Variants in RAB3GAP2 observed in about 807,000 individuals in gnomAD.
RAB3GAP2 encodes rab3 GTPase-activating protein non-catalytic subunit.
A neutral mutation model predicts 185.3 loss-of-function variants in RAB3GAP2; 87 were observed. That is an observed-to-expected ratio of 0.47 (90% CI 0.39 to 0.56). The LOEUF is 0.56. Among genes scored for constraint, RAB3GAP2 ranks in the 20% least tolerant of loss-of-function variants. The pLI is 0.00. For missense variants in RAB3GAP2, 1,492 were observed against 1,638.2 expected (o/e 0.91, Z 1.54); for synonymous variants, 554 against 576.1 (o/e 0.96, Z 0.55).
At chr1:220,239,969 C>A in intron 1 of RAB3GAP2, among the ~76,000 whole-genome samples, 1 of 143,976 alleles carries the variant, frequency 6.9e-6, no homozygotes. Flanking sequence ...CCCAAATAAA[C>A]ACCATGCCAT....
chr1:220,153,350 G>A lies in RAB3GAP2; in HGVS notation c.3702C>T (p.Val1234=), dbSNP rs137897304. The A allele has an allele frequency of 6.6e-5, 106 of 1,614,164 alleles. No individual in the cohort carries two copies. The African/African-American group carries it at 1.3e-3, about 19-fold the overall frequency. Residue 1234 remains valine, a synonymous_variant, in exon 33 of 35, where the codon GTC becomes GTT. Transcript: ENST00000358951. Reference sequence around the variant, plus strand: ...GTGTGGCCTCTTCTGTGGGATCTTTGACCTTTGTGGCTGAATGTTGGGCCT... The same window carrying A: ...GTGTGGCCTCTTCTGTGGGATCTTTAACCTTTGTGGCTGAATGTTGGGCCT... ...AVQAQHSATK[V]KDPTEEATPT...
chr1:220,159,967 A>G (rs958835227), intron 28 of RAB3GAP2, among the ~76,000 whole-genome samples: 6 of 152,060 alleles, frequency 3.9e-5, no homozygotes, highest in African/African-American at 1.4e-4. Flanking sequence ...CGGTGAGCCA[A>G]GATTGTGCCA....
At position 220,212,904 on chromosome 1, in the gene RAB3GAP2, G is replaced by T. The variant is rs1558157671; in HGVS notation, c.369C>A (p.Ser123=). ...GCACCTACCCTTCTTCGACATTTAA[G>T]GAACCACTCCAGCCAACAGCAAATT... ...EMQFAVGWSG[S]LNVEEGECVT... is the part of the protein sequence containing the mutation. The change falls in exon 4 of 35, where the codon TCC becomes TCA. Residue 123 remains serine, a synonymous_variant. Coordinates refer to ENST00000358951, the MANE Select transcript of RAB3GAP2 (RefSeq NM_012414.4). 6.2e-7 allele frequency: 1 copy of T among 1,613,286 alleles called. No homozygotes were observed.
At chr1:220,177,828 A>C (rs1393379261) in intron 21 of RAB3GAP2, among the ~76,000 whole-genome samples, 1 of 152,192 alleles carries the variant, frequency 6.6e-6, no homozygotes, top group African/African-American at 2.4e-5. Context: ...CAACATCAAA[A>C]GAGCAAATAT....
intron 1 of RAB3GAP2, among the ~76,000 whole-genome samples, chr1:220,271,706 G>A (rs970646091): frequency 6.6e-6 from 1 of 152,012 alleles, no homozygotes; most frequent in Non-Finnish European, 1.5e-5. Flanking sequence ...GGGAGAGTGT[G>A]GGGGGATGAT....
At chr1:220,260,598 T>TG (rs1018271502) in intron 1 of RAB3GAP2, among the ~76,000 whole-genome samples, 1 of 145,072 alleles carries the variant, frequency 6.9e-6, no homozygotes, top group Non-Finnish European at 1.5e-5. Flanking sequence ...CCTGTTGGGG[T>TG]GGTGGGGGGA....
intron 1 of RAB3GAP2, among the ~76,000 whole-genome samples, chr1:220,271,909 A>C: frequency 9.9e-6 from 1 of 100,526 alleles, no homozygotes; most frequent in African/African-American, 3.9e-5. Context: ...CTCAGAGAGA[A>C]AGCTAGGAAT....
chr1:220,170,273 G>A (rs987639774), intron 24 of RAB3GAP2, among the ~76,000 whole-genome samples: 2 of 152,168 alleles, frequency 1.3e-5, no homozygotes, highest in Non-Finnish European at 2.9e-5. Flanking sequence ...GTGGGGGATT[G>A]CGGGGCTAGG....
In RAB3GAP2 at chr1:220,151,264, A is replaced by G; in HGVS notation, c.4169T>C (p.Leu1390Pro). The G allele has an allele frequency of 6.2e-7, 1 of 1,613,922 alleles. No homozygotes were observed. ...AGTAGGTAAGTGTCATAAAGAAGGA[A>G]GAGATATGGCTTCCACAGCTTCAAT... ...HLIEAVEAIS[L>P]PSL The change falls in exon 35 of 35, where the codon CTT becomes CCT. Residue 1390 changes from leucine to proline, a missense_variant. Transcript: ENST00000358951.
In RAB3GAP2 at chr1:220,172,761, C is replaced by A. The variant is rs775150600; in HGVS notation, c.2311-19G>T. On this transcript the variant is annotated intron_variant, in intron 21 of 34. Transcript: ENST00000358951. ...GCAGAGACTGAAATCAAATTTAAAT[C>A]TTTTTCAGTCTAAAAAAAAATTTAG... The A allele has an allele frequency of 1.9e-6, 3 of 1,548,338 alleles. No homozygotes were observed. Among genetic ancestry groups the A allele is most frequent in the Non-Finnish European group, 2.7e-6 (3 of 1,120,466 alleles).
chr1:220,257,179 C>A (rs551754476), intron 1 of RAB3GAP2, among the ~76,000 whole-genome samples: 119 of 152,148 alleles, frequency 7.8e-4, no homozygotes, highest in Non-Finnish European at 1.1e-3. Flanking sequence ...GAGATCAAGA[C>A]CATCCTGGCT....
In RAB3GAP2 at chr1:220,154,118, A is replaced by C. The variant is rs1657814205; in HGVS notation, c.3556-61T>G. Reference sequence around the variant, plus strand: ...GGATTATTAAGGGGGGAGAGGGAGAAAGATTTGTTTAAAACTTAATAATAA... The same window carrying C: ...GGATTATTAAGGGGGGAGAGGGAGACAGATTTGTTTAAAACTTAATAATAA... On this transcript the variant is annotated intron_variant, in intron 31 of 34. Coordinates refer to ENST00000358951, the MANE Select transcript of RAB3GAP2 (RefSeq NM_012414.4). 5.0e-6 allele frequency: 8 copies of C among 1,598,160 alleles called. No homozygotes were observed. The South Asian group carries it at 9.0e-5, about 18-fold the overall frequency.
At chr1:220,197,226 G>A (rs1277111222) in intron 9 of RAB3GAP2, among the ~76,000 whole-genome samples, 2 of 152,154 alleles carry the variant, frequency 1.3e-5, no homozygotes, top group African/African-American at 4.8e-5. Context: ...GACCTCAGGT[G>A]ATCCTCCAGC....
chr1:220,155,409 A>G (rs949234718), intron 31 of RAB3GAP2, among the ~76,000 whole-genome samples: 1 of 152,222 alleles, frequency 6.6e-6, no homozygotes. Context: ...CCGGACTTAC[A>G]GGGCAACCCA....
At chr1:220,261,186 T>C (rs1007660650) in intron 1 of RAB3GAP2, among the ~76,000 whole-genome samples, 2 of 152,150 alleles carry the variant, frequency 1.3e-5, no homozygotes, top group African/African-American at 4.8e-5. Context: ...AGAAAAGTAA[T>C]CTATGTTCAA....
intron 21 of RAB3GAP2, among the ~76,000 whole-genome samples, chr1:220,175,074 G>T (rs1658261572): frequency 6.6e-6 from 1 of 151,950 alleles, no homozygotes; most frequent in Non-Finnish European, 1.5e-5. Context: ...ATGTATACTG[G>T]GAAGCAAATC....
In RAB3GAP2 at chr1:220,148,615, G is replaced by GT. The variant is rs1553272526; in HGVS notation, c.*2635dup. On this transcript the variant is annotated 3_prime_UTR_variant, in exon 35 of 35. Coordinates refer to ENST00000358951, the MANE Select transcript of RAB3GAP2 (RefSeq NM_012414.4). ...CTTCTAAATGAACATTATATTCAGT[G>GT]TAAGTCTCATATTATTAAATTTCAG... The GT allele has an allele frequency of 6.6e-6, 1 of 152,122 alleles. No homozygotes were observed. The highest frequency in any genetic ancestry group is 1.5e-5 in the Non-Finnish European group (1 of 68,014). The allele number at this position is 152,122 out of a possible 1,614,324, so 9.4% of individuals were successfully genotyped here.
At chr1:220,162,356 CTA>C (rs1209840358) in intron 27 of RAB3GAP2, 88 bp from the exon 28 acceptor site, 2 of 840,792 alleles carry the variant, frequency 2.4e-6, no homozygotes, top group Non-Finnish European at 3.9e-6. Flanking sequence ...GCTTATTAAA[CTA>C]TATAGACTAT....
Position 220,172,624 on chromosome 1 carries a change from A to G in RAB3GAP2, c.2416+13T>C, listed in dbSNP as rs771319271. The stretch of plus-strand genomic sequence containing the variant: ...ACGAAACTTTGTTGACGAGAGCAAC[A>G]AACTTTGTTTACCTTTCATCTTGCT... On this transcript the variant is annotated intron_variant, in intron 22 of 34. Coordinates refer to ENST00000358951, the MANE Select transcript of RAB3GAP2 (RefSeq NM_012414.4). 3 of 1,573,742 alleles carry G rather than the reference A, an allele frequency of 1.9e-6. No homozygotes were observed. The East Asian group carries it at 6.7e-5, about 35-fold the overall frequency.
Sources: allele counts gnomAD v4.1 joint callset (sites outside exome capture counted in the v4.1 genomes callset), GRCh38; gene constraint gnomAD v4.1.1; transcripts MANE v1.5; gene names NCBI Gene and HGNC (gene_info 2026-07-23, HGNC 2026-07-21).